The following SCIN variants were observed in gnomAD, a reference collection of about 807,000 sequenced individuals.
SCIN encodes scinderin.
In SCIN, 91 loss-of-function variants were observed where a neutral mutation model predicts 91.8. That is an observed-to-expected ratio of 0.99 (90% CI 0.84 to 1.18). The LOEUF is 1.18. Among genes scored for constraint, SCIN ranks in the 50% most tolerant of loss-of-function variants. The pLI is 0.00. For missense variants in SCIN, 1,087 were observed against 863.9 expected, an observed-to-expected ratio of 1.26 and a Z score of -3.24; for synonymous variants, 367 against 312.6, an observed-to-expected ratio of 1.17 and a Z score of -1.84.
rs926387319 is a variant in SCIN, at chr7:12,657,975, A to G, written c.*5260A>G. On this transcript the variant is annotated 3_prime_UTR_variant, in exon 16 of 16. Coordinates refer to ENST00000297029, the MANE Select transcript of SCIN (RefSeq NM_001112706.3). ...AAACTCCATCTTATTTAGAGAGATT[A>G]TTTTTGATGTTATTATAATAAAAAT... 4 of 152,116 alleles carry G rather than the reference A, an allele frequency of 2.6e-5. No individual in the cohort carries two copies. The highest frequency in any genetic ancestry group is 9.7e-5 in the African/African-American group (4 of 41,406). The allele number at this position is 152,116 out of a possible 1,614,324, so 9.4% of individuals were successfully genotyped here.
intron 13 of SCIN, among the ~76,000 whole-genome samples, chr7:12,645,506 T>C (rs774076862): frequency 2.6e-5 from 4 of 152,168 alleles, no homozygotes; most frequent in Non-Finnish European, 5.9e-5. Context: ...AACTTTTATT[T>C]TAAGTTCAGG....
intron 13 of SCIN, 88 bp from the exon 14 acceptor site, chr7:12,649,379 C>T: frequency 2.8e-6 from 2 of 707,206 alleles, no homozygotes; most frequent in South Asian, 2.7e-5. Context: ...TTTCACTATA[C>T]TCAAAAAAAA....
At chr7:12,591,524 C>G (rs920288318) in intron 3 of SCIN, among the ~76,000 whole-genome samples, 1 of 152,060 alleles carries the variant, frequency 6.6e-6, no homozygotes, top group South Asian at 2.1e-4. Context: ...TATTCCTCAG[C>G]TTTCAGCAGT....
At position 12,581,222 on chromosome 7, in the gene SCIN, G is replaced by A. The variant is rs761444801; in HGVS notation, c.516+1G>A. The A allele has an allele frequency of 2.7e-5, 42 of 1,550,758 alleles. No homozygotes were observed. Among genetic ancestry groups the A allele is most frequent in the Middle Eastern group, 3.3e-4 (2 of 5,982 alleles). ...CTGCTTCATCATTGACCTTGGCACCGTAAGTTTCATATATACACATCGATG... is the reference window on the plus strand; with the variant it reads ...CTGCTTCATCATTGACCTTGGCACCATAAGTTTCATATATACACATCGATG... On this transcript the variant is annotated splice_donor_variant, in intron 3 of 15. Transcript: ENST00000297029. LOFTEE classifies it high-confidence loss of function.
intron 3 of SCIN, among the ~76,000 whole-genome samples, chr7:12,586,116 C>A (rs1321808552): frequency 1.3e-5 from 2 of 152,134 alleles, no homozygotes; most frequent in East Asian, 3.9e-4. Flanking sequence ...AAATATAAAG[C>A]CTACAACTTA....
intron 3 of SCIN, among the ~76,000 whole-genome samples, chr7:12,583,512 C>G (rs2115215490): frequency 6.6e-6 from 1 of 152,244 alleles, no homozygotes; most frequent in East Asian, 1.9e-4. Flanking sequence ...CCACACTAAG[C>G]TAACTTGGTA....
chr7:12,599,026 C>G (rs890411504), intron 3 of SCIN, among the ~76,000 whole-genome samples: 2 of 152,080 alleles, frequency 1.3e-5, no homozygotes, highest in Admixed American at 1.3e-4. Context: ...TTTTTTATAT[C>G]AACCATTGAA....
At chr7:12,641,787 T>C (rs1783864270) in intron 11 of SCIN, among the ~76,000 whole-genome samples, 1 of 151,992 alleles carries the variant, frequency 6.6e-6, no homozygotes, top group South Asian at 2.1e-4. Flanking sequence ...GCTGCCTCCT[T>C]CACACCCCAT....
rs1783833402 is a variant in SCIN at position 12,640,386 on chromosome 7, A to G, written c.1450A>G (p.Ser484Gly). ...AGGCAAAGAGCCTGTTCACCTACTG[A>G]GTTTGTTCAAAGACAAACCGCTCAT... Reference protein sequence around the residue: ...SQGKEPVHLLSLFKDKPLIIY... With the variant: ...SQGKEPVHLLGLFKDKPLIIY... The change falls in exon 11 of 16, where the codon AGT becomes GGT. Residue 484 changes from serine to glycine, a missense_variant. By Grantham distance (56) the Ser-to-Gly change is moderately conservative. Transcript: ENST00000297029. 1.2e-6 allele frequency: 2 copies of G among 1,612,002 alleles called. No homozygotes were observed. The highest frequency in any genetic ancestry group is 1.7e-6 in the Non-Finnish European group (2 of 1,179,048).
At chr7:12,605,666 A>G (rs1484049258) in intron 4 of SCIN, among the ~76,000 whole-genome samples, 1 of 152,212 alleles carries the variant, frequency 6.6e-6, no homozygotes, top group Non-Finnish European at 1.5e-5. Flanking sequence ...CTTGTGGCAT[A>G]ACATCAGGAC....
Position 12,570,909 on chromosome 7 carries a change from C to G in SCIN, c.123C>G (p.Tyr41Ter), listed in dbSNP as rs1274814121. Reference protein sequence around the residue: ...PVPQSAHGDFYVGDAYLVLHT... With the variant: ...PVPQSAHGDF The stretch of plus-strand genomic sequence containing the variant: ...CCCAGAGCGCTCACGGCGACTTCTA[C>G]GTCGGGGATGCCTACCTGGTGCTGC... The change falls in exon 1 of 16, where the codon TAC becomes TAG. Residue 41 changes from tyrosine to a stop codon, truncating the protein, a stop_gained. Transcript: ENST00000297029. LOFTEE classifies it high-confidence loss of function. 3 of 1,551,490 alleles carry G rather than the reference C, an allele frequency of 1.9e-6. No individual in the cohort carries two copies. The highest frequency in any genetic ancestry group is 1.2e-5 in the South Asian group (1 of 84,072).
At chr7:12,588,834 T>TGGG (rs1562599588) in intron 3 of SCIN, 1 of 5,188 alleles carries the variant, frequency 1.9e-4, no homozygotes, top group Non-Finnish European at 3.8e-4. Flanking sequence ...CGGGGGCGGG[T>TGGG]GGGAAGGGGG....
rs1784225731 is a variant in SCIN at position 12,659,580 on chromosome 7, A to C, written c.*6865A>C. 1.3e-5 allele frequency: 2 copies of C among 152,290 alleles called. No individual in the cohort carries two copies. Among genetic ancestry groups the C allele is most frequent in the African/African-American group, 4.8e-5 (2 of 41,448 alleles). 9.4% of individuals were successfully genotyped at this position (152,290 alleles called of 1,614,324 possible). On this transcript the variant is annotated 3_prime_UTR_variant, in exon 16 of 16. Transcript: ENST00000297029. ...AAGTATATCCATGGTCATCCAGGGG[A>C]AGAAAATGGCGTACATAACTTATAT... is the stretch of plus-strand genomic sequence containing the variant.
intron 1 of SCIN, among the ~76,000 whole-genome samples, chr7:12,574,736 G>A (rs73680858): frequency 0.075 from 11,379 of 152,032 alleles, 561 homozygotes; most frequent in South Asian, 0.15. Flanking sequence ...TTTTAATCAC[G>A]TTAGCTATGT....
At chr7:12,644,489 A>C in intron 12 of SCIN, 95 bp from the exon 13 acceptor site, 1 of 1,519,978 alleles carries the variant, frequency 6.6e-7, no homozygotes, top group Non-Finnish European at 8.8e-7. Flanking sequence ...ATTTCTCAAC[A>C]CTGAAATCAA....
intron 3 of SCIN, among the ~76,000 whole-genome samples, chr7:12,587,232 TA>T: frequency 6.6e-6 from 1 of 152,224 alleles, no homozygotes; most frequent in East Asian, 1.9e-4. Flanking sequence ...CAACTAAAAA[TA>T]AAAAGGAATA....
At chr7:12,644,400 T>G in intron 12 of SCIN, 85 bp downstream of exon 12, 1 of 1,479,958 alleles carries the variant, frequency 6.8e-7, no homozygotes, top group Non-Finnish European at 9.1e-7. Context: ...AAAGTCACTT[T>G]CTAATGGCTT....
At chr7:12,631,648 C>CT (rs752462952) in intron 9 of SCIN, among the ~76,000 whole-genome samples, 2 of 152,170 alleles carry the variant, frequency 1.3e-5, no homozygotes, top group Non-Finnish European at 2.9e-5. Flanking sequence ...CCTGCACTGC[C>CT]TCAGGAGTCT....
At chr7:12,643,979 T>G (rs2691811) in intron 11 of SCIN, among the ~76,000 whole-genome samples, 159 bp from the exon 12 acceptor site, 37,216 of 152,010 alleles carry the variant, frequency 0.24, 5,103 homozygotes, top group South Asian at 0.43. Flanking sequence ...CTCTAGGGTT[T>G]AAAATACCAT....
Sources: allele counts gnomAD v4.1 joint callset (sites outside exome capture counted in the v4.1 genomes callset), GRCh38; gene constraint gnomAD v4.1.1; transcripts MANE v1.5; gene names NCBI Gene and HGNC (gene_info 2026-07-23, HGNC 2026-07-21).